MGAT4C: variants seen among roughly 807,000 people sequenced by gnomAD.
The protein encoded by MGAT4C is alpha-1,3-mannosyl-glycoprotein 4-beta-N-acetylglucosaminyltransferase C.
A neutral mutation model predicts 40.1 loss-of-function variants in MGAT4C; 19 were observed. The observed-to-expected ratio is 0.47, with a 90% CI of 0.33 to 0.70. The LOEUF (loss-of-function observed/expected upper bound fraction) is 0.70. MGAT4C is among the 30% of genes least tolerant of loss of function. The probability of loss-of-function intolerance (pLI) is 0.02; values close to 1 mark genes in which losing one functional copy is unlikely to be tolerated. For missense variants in MGAT4C, 491 were observed against 563.2 expected, an observed-to-expected ratio of 0.87 and a Z score of 1.30; for synonymous variants, 181 against 187.1, an observed-to-expected ratio of 0.97 and a Z score of 0.27.
intron 2 of MGAT4C, among the ~76,000 whole-genome samples, chr12:86,607,386 C>T (rs1201217195): frequency 6.6e-6 from 1 of 152,016 alleles, no homozygotes; most frequent in Non-Finnish European, 1.5e-5. Flanking sequence ...ATTAAAATTT[C>T]CTTTCAATGT....
At chr12:86,761,211 T>C (rs1346240681) in intron 1 of MGAT4C, among the ~76,000 whole-genome samples, 2 of 152,316 alleles carry the variant, frequency 1.3e-5, no homozygotes, top group Admixed American at 6.5e-5. Flanking sequence ...AGGCCAGCCT[T>C]TCTTTGATGA....
intron 1 of MGAT4C, among the ~76,000 whole-genome samples, chr12:86,754,876 T>C (rs1267587239): frequency 6.6e-6 from 1 of 152,134 alleles, no homozygotes; most frequent in Admixed American, 6.6e-5. Flanking sequence ...GTCTGAAACA[T>C]AATGGTCATT....
chr12:86,237,904 G>A (rs188184578), intron 1 of MGAT4C, among the ~76,000 whole-genome samples: 82 of 151,980 alleles, frequency 5.4e-4, no homozygotes, highest in Admixed American at 2.9e-3. Context: ...ATAATCTGTG[G>A]TCTTGGCCTC....
At position 86,193,528 on chromosome 12, in the gene MGAT4C, G is replaced by A. The variant is rs543620109; in HGVS notation, c.-57+62711C>T. On this transcript the variant is annotated intron_variant, in intron 1 of 4. Coordinates refer to ENST00000611864, the MANE Select transcript of MGAT4C (RefSeq NM_001351288.2). ...TCAGTTGCAATTATTTTCCTTTGCA[G>A]GAAAAAAACTCACTTTACTTGAAGC... Among the ~76,000 whole-genome samples the A allele has an allele frequency of 6.6e-5, 10 of 151,944 alleles. No homozygotes were observed. The South Asian group carries it at 2.1e-3, about 32-fold the overall frequency.
At chr12:86,584,542 T>C (rs1320066336) in intron 2 of MGAT4C, among the ~76,000 whole-genome samples, 2 of 151,234 alleles carry the variant, frequency 1.3e-5, no homozygotes, top group African/African-American at 4.8e-5. Flanking sequence ...CAGAATTTAA[T>C]ATTTCTTTTA....
rs1446925137 is a variant in MGAT4C at position 86,552,960 on chromosome 12, T to C, written c.-228-117695A>G. Reference sequence around the variant, plus strand: ...CACAATTACTTTTGCACCAAGCTAATATAAGTACAAGTCACATTCTAGTTT... The same window carrying C: ...CACAATTACTTTTGCACCAAGCTAACATAAGTACAAGTCACATTCTAGTTT... On this transcript the variant is annotated intron_variant, in intron 2 of 7. Transcript: ENST00000548651. 2.6e-5 allele frequency among the ~76,000 whole-genome samples: 4 copies of C among 152,142 alleles called. No homozygotes were observed. In the East Asian group the frequency reaches 5.8e-4, roughly 22 times the overall value.
intron 1 of MGAT4C, among the ~76,000 whole-genome samples, chr12:86,061,709 G>C (rs1254988906): frequency 6.6e-6 from 1 of 152,150 alleles, no homozygotes; most frequent in Non-Finnish European, 1.5e-5. Context: ...CGCCATTACT[G>C]AGGCTTGAGT....
chr12:86,639,062 A>G (rs547646872), intron 2 of MGAT4C, among the ~76,000 whole-genome samples: 2 of 151,778 alleles, frequency 1.3e-5, no homozygotes, highest in African/African-American at 2.4e-5. Flanking sequence ...GAAAATCTCA[A>G]TAATCACTTT....
intron 2 of MGAT4C, among the ~76,000 whole-genome samples, chr12:85,993,134 C>T (rs1268313910): frequency 2.0e-5 from 3 of 152,116 alleles, no homozygotes; most frequent in African/African-American, 4.8e-5. Context: ...TTCAAATGGT[C>T]CTGACAGGTA....
intron 1 of MGAT4C, among the ~76,000 whole-genome samples, chr12:86,191,325 T>G (rs780874946): frequency 3.9e-5 from 6 of 152,018 alleles, no homozygotes; most frequent in Non-Finnish European, 8.8e-5. Flanking sequence ...AGAGCACTGA[T>G]GTTTTGTGGT....
At position 85,969,164 on chromosome 12, in the gene MGAT4C, C is replaced by G. The variant is rs1007864191; in HGVS notation, c.*10125G>C. 4 of 151,732 alleles carry G rather than the reference C, an allele frequency of 2.6e-5. No individual in the cohort carries two copies. Among genetic ancestry groups the G allele is most frequent in the East Asian group, 3.9e-4 (2 of 5,162 alleles). 9.4% of individuals were successfully genotyped at this position (151,732 alleles called of 1,614,324 possible). On this transcript the variant is annotated 3_prime_UTR_variant, in exon 5 of 5. Transcript: ENST00000611864. ...TTTTCAATATATTGAAAAGATGATTCTTTTGCATGATGACTTGTTATAATC... is the reference window on the plus strand; with the variant it reads ...TTTTCAATATATTGAAAAGATGATTGTTTTGCATGATGACTTGTTATAATC...
intron 3 of MGAT4C, among the ~76,000 whole-genome samples, chr12:86,412,175 C>T (rs868142584): frequency 2.0e-5 from 3 of 152,212 alleles, no homozygotes; most frequent in African/African-American, 4.8e-5. Context: ...AGAGGGAAAA[C>T]GTGGGGTTGG....
At chr12:86,045,137 C>G (rs115256836) in intron 2 of MGAT4C, among the ~76,000 whole-genome samples, 1,611 of 152,228 alleles carry the variant, frequency 0.011, 20 homozygotes, top group African/African-American at 0.037. Context: ...TCATAGTGCA[C>G]CAGTTTTCCC....
chr12:86,095,450 C>T (rs1873743080), intron 1 of MGAT4C, among the ~76,000 whole-genome samples: 1 of 151,736 alleles, frequency 6.6e-6, no homozygotes, highest in South Asian at 2.1e-4. Flanking sequence ...ACAATATTTA[C>T]CTGGTTTTGG....
intron 1 of MGAT4C, among the ~76,000 whole-genome samples, chr12:86,741,950 AAAC>A (rs1354537217): frequency 5.9e-5 from 9 of 151,486 alleles, no homozygotes; most frequent in African/African-American, 9.7e-5. Flanking sequence ...TATTGTATTT[AAAC>A]AACATTATTT....
chr12:86,316,429 C>T (rs1377575819), intron 4 of MGAT4C, among the ~76,000 whole-genome samples: 1 of 152,166 alleles, frequency 6.6e-6, no homozygotes, highest in Non-Finnish European at 1.5e-5. Context: ...ATGTTCATCA[C>T]AGCACTCTTC....
At chr12:85,986,098 C>A (rs902283772) in intron 3 of MGAT4C, among the ~76,000 whole-genome samples, 1 of 152,258 alleles carries the variant, frequency 6.6e-6, no homozygotes. Context: ...TACATGAAAT[C>A]ACTTTATTAA....
chr12:86,222,973 T>C (rs1248164899), intron 1 of MGAT4C, among the ~76,000 whole-genome samples: 1 of 152,188 alleles, frequency 6.6e-6, no homozygotes, highest in Non-Finnish European at 1.5e-5. Context: ...ACTCCTCGAC[T>C]TCTGTGGGCT....
intron 2 of MGAT4C, among the ~76,000 whole-genome samples, chr12:86,520,069 T>C (rs771920679): frequency 1.3e-5 from 2 of 152,182 alleles, no homozygotes; most frequent in African/African-American, 2.4e-5. Context: ...CTTTTTAATT[T>C]AACATTTATT....
Sources: gnomAD v4.1 joint callset for allele counts (sites outside exome capture counted in the v4.1 genomes callset) on GRCh38, gnomAD v4.1.1 for gene constraint, MANE v1.5 for transcripts, NCBI Gene and HGNC (gene_info 2026-07-23, HGNC 2026-07-21) for gene names.